Variants in PRKG1 observed in about 807,000 individuals in gnomAD.
The protein encoded by PRKG1 is protein kinase cGMP-dependent 1, also known as cGMP-dependent protein kinase 1.
A neutral mutation model predicts 88.1 loss-of-function variants in PRKG1; 35 were observed. That is an observed-to-expected ratio of 0.40 (90% CI 0.30 to 0.53). The LOEUF (loss-of-function observed/expected upper bound fraction) is 0.53. PRKG1 is among the 20% of genes least tolerant of loss of function. PRKG1 has a pLI of 0.59. For missense variants in PRKG1, 540 were observed against 839.8 expected (o/e 0.64, Z 4.41); for synonymous variants, 303 against 292.5 (o/e 1.04, Z -0.37).
At chr10:51,073,592 A>ATAGC (rs1412304275), upstream of PRKG1, among the ~76,000 whole-genome samples, 2 of 152,100 alleles carry the variant, frequency 1.3e-5, no homozygotes, top group Non-Finnish European at 2.9e-5. Context: ...GTGACCTGCT[A>ATAGC]GGGCCCAAAT....
chr10:50,991,328 C>T lies in PRKG1; in HGVS notation c.-51C>T, dbSNP rs12781400. 705 of 1,470,982 alleles carry T rather than the reference C, an allele frequency of 4.8e-4. 3 individuals carry two copies. The highest frequency in any genetic ancestry group is 1.7e-3 in the Admixed American group (68 of 40,418). The allele number at this position is 1,470,982 out of a possible 1,614,324, so 91.1% of individuals were successfully genotyped here. A position where few individuals can be genotyped will look rare whatever the true frequency, so the allele number is the denominator to read the frequency against. ...CCGTCCCAGCCGCCGCCGCCGCCGCCGCCGCCGCCGCCGCCCGAGAAAAAG... is the reference window on the plus strand; with the variant it reads ...CCGTCCCAGCCGCCGCCGCCGCCGCTGCCGCCGCCGCCGCCCGAGAAAAAG... On this transcript the variant is annotated 5_prime_UTR_variant, in exon 1 of 18. Transcript: ENST00000401604. This position sits in a 1 kb window ranked among gnomAD's most constrained non-coding sequence, Gnocchi z 4.5.
rs1842334272 is a variant in PRKG1 at position 52,294,196 on chromosome 10, A to G, written c.*296A>G. The G allele has an allele frequency of 3.7e-6, 1 of 268,130 alleles. No individual in the cohort carries two copies. The allele number at this position is 268,130 out of a possible 1,614,324, so 16.6% of individuals were successfully genotyped here. A position where few individuals can be genotyped will look rare whatever the true frequency, so the allele number is the denominator to read the frequency against. ...GCAATGACCTTGCTTTGCTCTGATT[A>G]TAATTTGAAAGACTGTAGGAAACAC... On this transcript the variant is annotated 3_prime_UTR_variant, in exon 18 of 18. Transcript: ENST00000373980.
chr10:51,962,160 C>T (rs1366062028), intron 5 of PRKG1, among the ~76,000 whole-genome samples: 8 of 152,018 alleles, frequency 5.3e-5, no homozygotes, highest in African/African-American at 1.2e-4. Flanking sequence ...GGAAGGAGCT[C>T]GGGAAGAATG....
intron 3 of PRKG1, among the ~76,000 whole-genome samples, chr10:51,480,361 T>C (rs911342799): frequency 6.6e-6 from 1 of 152,160 alleles, no homozygotes; most frequent in Non-Finnish European, 1.5e-5. Flanking sequence ...ATTTAGAATA[T>C]TCCTACGCCT....
chr10:51,134,496 T>G (rs192288056), intron 1 of PRKG1, among the ~76,000 whole-genome samples: 1 of 152,284 alleles, frequency 6.6e-6, no homozygotes, highest in East Asian at 1.9e-4. Context: ...TGAAAATGCT[T>G]CAAAAGGATT....
intron 3 of PRKG1, chr10:51,698,822 G>A: frequency 1.2e-6 from 2 of 1,614,158 alleles, no homozygotes; most frequent in East Asian, 2.2e-5. Context: ...AGGTCTTCTA[G>A]CCAAATGCTG....
chr10:52,208,437 A>G (rs1008673342), intron 9 of PRKG1, among the ~76,000 whole-genome samples: 10 of 152,228 alleles, frequency 6.6e-5, no homozygotes, highest in Non-Finnish European at 1.5e-5. Flanking sequence ...TCTCTATCAC[A>G]TTTATCACAT....
chr10:51,681,998 T>C (rs1050627262), intron 3 of PRKG1, among the ~76,000 whole-genome samples: 1 of 152,174 alleles, frequency 6.6e-6, no homozygotes, highest in African/African-American at 2.4e-5. Flanking sequence ...GTTATTAAAG[T>C]TTGTCTTAGA....
At chr10:52,088,522 C>G (rs1564463830) in intron 7 of PRKG1, among the ~76,000 whole-genome samples, 1 of 152,232 alleles carries the variant, frequency 6.6e-6, no homozygotes, top group African/African-American at 2.4e-5. Context: ...CTGGAGGAAA[C>G]TAGCAGGGAC....
At chr10:52,188,241 CATATATATGT>C (rs1314285595) in intron 9 of PRKG1, among the ~76,000 whole-genome samples, 1 of 3,794 alleles carries the variant, frequency 2.6e-4, no homozygotes, top group Non-Finnish European at 6.8e-4. Context: ...TATATATATA[CATATATATGT>C]GTATATATAT....
At chr10:51,438,985 C>A (rs1001797185) in intron 2 of PRKG1, among the ~76,000 whole-genome samples, 1 of 149,288 alleles carries the variant, frequency 6.7e-6, no homozygotes, top group Non-Finnish European at 1.5e-5. Context: ...CCACCTGGAA[C>A]CAACAACTAA....
chr10:52,133,479 T>C (rs1246701893), intron 7 of PRKG1, among the ~76,000 whole-genome samples: 1 of 152,180 alleles, frequency 6.6e-6, no homozygotes, highest in Non-Finnish European at 1.5e-5. Flanking sequence ...TTTCTAGAAG[T>C]ATAGCTTCAA....
chr10:51,402,935 C>A (rs1428710983), intron 2 of PRKG1, among the ~76,000 whole-genome samples: 1 of 152,104 alleles, frequency 6.6e-6, no homozygotes, highest in Non-Finnish European at 1.5e-5. Context: ...AGCCAGATTA[C>A]TATTTGGTGG....
At chr10:51,403,624 G>T (rs1837820934) in intron 2 of PRKG1, among the ~76,000 whole-genome samples, 1 of 152,092 alleles carries the variant, frequency 6.6e-6, no homozygotes, top group Admixed American at 6.6e-5. Context: ...GCCAAGATGT[G>T]AACTGAACCC....
intron 2 of PRKG1, among the ~76,000 whole-genome samples, chr10:51,166,328 T>C (rs543352150): frequency 6.6e-6 from 1 of 152,288 alleles, no homozygotes; most frequent in Non-Finnish European, 1.5e-5. Context: ...TGTGCCAATA[T>C]GTGTATATGA....
intron 2 of PRKG1, among the ~76,000 whole-genome samples, chr10:51,225,317 A>G (rs1233104633): frequency 1.3e-5 from 2 of 152,168 alleles, no homozygotes; most frequent in Non-Finnish European, 2.9e-5. Context: ...CTTATGAACT[A>G]ATTACCTCCC....
intron 8 of PRKG1, among the ~76,000 whole-genome samples, chr10:52,159,085 G>C (rs752959942): frequency 6.6e-6 from 1 of 151,350 alleles, no homozygotes; most frequent in Non-Finnish European, 1.5e-5. Context: ...AATATATAAA[G>C]ATACCTCCTC....
At chr10:52,013,262 CA>C (rs1310090781) in intron 5 of PRKG1, among the ~76,000 whole-genome samples, 1 of 151,918 alleles carries the variant, frequency 6.6e-6, no homozygotes, top group African/African-American at 2.4e-5. Context: ...ACTAAAAATA[CA>C]AAAAAATTTG....
At chr10:52,285,340 G>A (rs1422376955) in intron 14 of PRKG1, among the ~76,000 whole-genome samples, 1 of 152,042 alleles carries the variant, frequency 6.6e-6, no homozygotes, top group Non-Finnish European at 1.5e-5. Flanking sequence ...ATTATTGGAG[G>A]AGAATTCTTT....
Sources: allele counts gnomAD v4.1 joint callset (sites outside exome capture counted in the v4.1 genomes callset), GRCh38; gene constraint gnomAD v4.1.1; non-coding constraint Gnocchi (gnomAD v3.1); transcripts MANE v1.5; gene names NCBI Gene and HGNC (gene_info 2026-07-23, HGNC 2026-07-21).